Variants in TPST2 observed in about 807,000 individuals in gnomAD.
TPST2 encodes tyrosylprotein sulfotransferase 2.
In TPST2, 16 loss-of-function variants were observed where a neutral mutation model predicts 27.8. The ratio of observed to expected loss-of-function variants is 0.58; its 90% CI spans 0.39 to 0.88. The LOEUF (loss-of-function observed/expected upper bound fraction) is 0.88. Among genes scored for constraint, TPST2 ranks in the 40% least tolerant of loss-of-function variants. TPST2 has a pLI of 0.00. For missense variants in TPST2, 464 were observed against 543.1 expected, an observed-to-expected ratio of 0.85 and a Z score of 1.45; for synonymous variants, 229 against 231.7, an observed-to-expected ratio of 0.99 and a Z score of 0.10.
chr22:26,552,546 T>C (rs1340282565), intron 1 of TPST2, among the ~76,000 whole-genome samples: 1 of 152,158 alleles, frequency 6.6e-6, no homozygotes, highest in African/African-American at 2.4e-5. Context: ...ATCATCTCTC[T>C]TGGGGGTAGG....
At chr22:26,578,056 T>C (rs930507005) in intron 1 of TPST2, among the ~76,000 whole-genome samples, 4 of 152,194 alleles carry the variant, frequency 2.6e-5, no homozygotes, top group Non-Finnish European at 5.9e-5. Context: ...AAATGTATTA[T>C]TATCTTTAAG....
At chr22:26,561,168 T>C (rs1199617974) in intron 1 of TPST2, 1 of 1,583,140 alleles carries the variant, frequency 6.3e-7, no homozygotes. Context: ...ATAAGTTGGT[T>C]CTAGCGCAGT....
At chr22:26,576,896 A>G (rs1019855450) in intron 1 of TPST2, among the ~76,000 whole-genome samples, 2 of 151,760 alleles carry the variant, frequency 1.3e-5, no homozygotes, top group African/African-American at 2.4e-5. Context: ...GGAGATTGAG[A>G]CCATCCTGGC....
intron 2 of TPST2, 91 bp downstream of exon 2, chr22:26,544,513 T>C (rs1926019182): frequency 1.4e-6 from 1 of 719,636 alleles, no homozygotes; most frequent in Non-Finnish European, 1.7e-6. Context: ...AGGCACCCAA[T>C]CATGGAGGCT....
chr22:26,527,392 C>G (rs1924899664), intron 6 of TPST2, among the ~76,000 whole-genome samples: 1 of 152,152 alleles, frequency 6.6e-6, no homozygotes, highest in Non-Finnish European at 1.5e-5. Context: ...CCAAGCACTC[C>G]CACCTGGGCC....
In TPST2 at chr22:26,536,560, C is replaced by T. The variant is rs1005643103; in HGVS notation, c.843-74G>A. On this transcript the variant is annotated intron_variant, in intron 3 of 6. Coordinates refer to ENST00000338754, the MANE Select transcript of TPST2 (RefSeq NM_003595.5). ...CCTGAGCGGATTCCCTGCTCAGCCA[C>T]TCTGGGGCAGCAGGAAAGACTGGAG... The T allele has an allele frequency of 2.9e-5, 39 of 1,334,228 alleles. No individual in the cohort carries two copies. The African/African-American group carries it at 5.1e-4, about 18-fold the overall frequency. 82.6% of individuals were successfully genotyped at this position (1,334,228 alleles called of 1,614,324 possible).
rs1446813165 is a variant in TPST2, at chr22:26,526,223, A to G, written c.*52T>C. On this transcript the variant is annotated 3_prime_UTR_variant, in exon 7 of 7. Coordinates refer to ENST00000338754, the MANE Select transcript of TPST2 (RefSeq NM_003595.5). The stretch of plus-strand genomic sequence containing the variant: ...GGATTAGAGGTCCGATTTCCACTTA[A>G]ATGCATTTTCTTCTCTTCTTGGCAA... 1.3e-5 allele frequency: 2 copies of G among 152,242 alleles called. No homozygotes were observed. Among genetic ancestry groups the G allele is most frequent in the Non-Finnish European group, 2.9e-5 (2 of 68,050 alleles). The allele number at this position is 152,242 out of a possible 1,614,324, so 9.4% of individuals were successfully genotyped here. A position where few individuals can be genotyped will look rare whatever the true frequency, so the allele number is the denominator to read the frequency against.
At chr22:26,540,621 G>A (rs1484396119) in intron 3 of TPST2, among the ~76,000 whole-genome samples, 168 bp downstream of exon 3, 1 of 152,192 alleles carries the variant, frequency 6.6e-6, no homozygotes, top group Non-Finnish European at 1.5e-5. Context: ...TCTCAGAAAG[G>A]AGAGGAGTAA....
chr22:26,557,057 A>G (rs1056607404), intron 1 of TPST2, among the ~76,000 whole-genome samples: 2 of 152,260 alleles, frequency 1.3e-5, no homozygotes, highest in Admixed American at 6.5e-5. Context: ...AGCCCCAAAT[A>G]TAAGTAGGTA....
intron 1 of TPST2, among the ~76,000 whole-genome samples, chr22:26,579,644 G>C (rs1176367917): frequency 6.6e-6 from 1 of 152,220 alleles, no homozygotes; most frequent in East Asian, 1.9e-4. Flanking sequence ...TCAGCCACCA[G>C]CCAAAGCAAG....
At chr22:26,577,460 T>G (rs1241177103) in intron 1 of TPST2, among the ~76,000 whole-genome samples, 1 of 151,764 alleles carries the variant, frequency 6.6e-6, no homozygotes, top group Non-Finnish European at 1.5e-5. Flanking sequence ...TTCTCCTGCC[T>G]CATCCTCCCG....
chr22:26,546,222 T>G (rs1243122295), intron 1 of TPST2, among the ~76,000 whole-genome samples: 1 of 152,166 alleles, frequency 6.6e-6, no homozygotes, highest in African/African-American at 2.4e-5. Context: ...ATTTTCCTAT[T>G]CCTGAAATAT....
intron 1 of TPST2, among the ~76,000 whole-genome samples, chr22:26,555,826 A>G (rs1926764674): frequency 6.6e-6 from 1 of 152,218 alleles, no homozygotes. Flanking sequence ...TCCCACGGCA[A>G]CCCTGTGGGG....
chr22:26,526,623 G>T (rs964091407), intron 6 of TPST2, among the ~76,000 whole-genome samples: 1 of 152,204 alleles, frequency 6.6e-6, no homozygotes, highest in African/African-American at 2.4e-5. Flanking sequence ...CCTCTATATG[G>T]TATCTCATTT....
intron 3 of TPST2, among the ~76,000 whole-genome samples, chr22:26,537,007 G>A (rs1925508434): frequency 6.6e-6 from 1 of 151,978 alleles, no homozygotes; most frequent in Admixed American, 6.6e-5. Context: ...CCTGAGCTGT[G>A]ATTGCACCAC....
Position 26,541,776 on chromosome 22 carries a change from ATAAC to A in TPST2, c.-88-62_-88-59del. ...AGGTCTGTGAGCTGTGAGCTCTCCA[ATAAC>A]TGCAAAGCCCTATAACTGCAAACAA... On this transcript the variant is annotated intron_variant, in intron 2 of 6. Transcript: ENST00000338754. The surrounding 1 kb of genome is among the most constrained non-coding windows in gnomAD (Gnocchi z 5.9). 7.1e-7 allele frequency: 1 copy of A among 1,401,584 alleles called. No individual in the cohort carries two copies. Among genetic ancestry groups the A allele is most frequent in the Non-Finnish European group, 9.3e-7 (1 of 1,071,640 alleles). The allele number at this position is 1,401,584 out of a possible 1,614,324, so 86.8% of individuals were successfully genotyped here.
chr22:26,553,649 C>CTCATTTTTTTTTTTTTTTTA (rs1555931704), intron 1 of TPST2, among the ~76,000 whole-genome samples: 2 of 151,580 alleles, frequency 1.3e-5, no homozygotes, highest in Non-Finnish European at 2.9e-5. Flanking sequence ...TGAGCTACTG[C>CTCATTTTTTTTTTTTTTTTA]ACCTGGCTGG....
chr22:26,573,459 G>T (rs182693307), intron 1 of TPST2, among the ~76,000 whole-genome samples: 2 of 152,320 alleles, frequency 1.3e-5, no homozygotes, highest in African/African-American at 2.4e-5. Context: ...TTATTAACAT[G>T]TCAGAAGGTT....
chr22:26,579,412 C>CCG (rs1927996934), intron 1 of TPST2, among the ~76,000 whole-genome samples: 21 of 152,240 alleles, frequency 1.4e-4, no homozygotes, highest in Admixed American at 1.0e-3. Flanking sequence ...TTCTTCCCCA[C>CCG]AGCCCTGGGG....
Sources: gnomAD v4.1 joint callset for allele counts (sites outside exome capture counted in the v4.1 genomes callset) on GRCh38, gnomAD v4.1.1 for gene constraint, Gnocchi (gnomAD v3.1) non-coding constraint, MANE v1.5 for transcripts, NCBI Gene and HGNC (gene_info 2026-07-23, HGNC 2026-07-21) for gene names.